The following FER1L6 variants were observed in gnomAD, a reference collection of about 807,000 sequenced individuals.
FER1L6 encodes fer-1 like family member 6.
A neutral mutation model predicts 219.2 loss-of-function variants in FER1L6; 177 were observed. That is an observed-to-expected ratio of 0.81 (90% CI 0.71 to 0.91). FER1L6 has a LOEUF of 0.91. FER1L6 is among the 40% of genes least tolerant of loss of function. FER1L6 has a pLI of 0.00. For synonymous variants in FER1L6, 768 were observed against 824.3 expected, an observed-to-expected ratio of 0.93 and a Z score of 1.17; for missense variants, 2,153 against 2,259.9, an observed-to-expected ratio of 0.95 and a Z score of 0.96.
At chr8:123,878,177 A>G (rs1817042131) in intron 1 of FER1L6, among the ~76,000 whole-genome samples, 1 of 152,164 alleles carries the variant, frequency 6.6e-6, no homozygotes, top group Non-Finnish European at 1.5e-5. Context: ...GCCTCCCAGA[A>G]CAGACGCAGG....
chr8:123,919,214 C>T (rs2129818676), intron 1 of FER1L6, among the ~76,000 whole-genome samples: 1 of 152,314 alleles, frequency 6.6e-6, no homozygotes, highest in South Asian at 2.1e-4. Context: ...CTTGCTAGAG[C>T]ATAAAGCAGA....
chr8:124,112,154 C>T (rs1438243867), intron 39 of FER1L6, among the ~76,000 whole-genome samples: 2 of 152,178 alleles, frequency 1.3e-5, no homozygotes, highest in Non-Finnish European at 2.9e-5. Flanking sequence ...CCTAGACATT[C>T]TCTAATTCCA....
At chr8:124,028,995 G>T (rs915164059) in intron 18 of FER1L6, among the ~76,000 whole-genome samples, 2 of 152,050 alleles carry the variant, frequency 1.3e-5, no homozygotes, top group East Asian at 3.9e-4. Context: ...TGTTCTCATT[G>T]TTCAACTCCC....
rs1418290388 is a variant in FER1L6, at chr8:124,060,345, C to G, written c.2985+55C>G. 21 of 1,548,112 alleles carry G rather than the reference C, an allele frequency of 1.4e-5. 1 individual carries two copies. The South Asian group carries it at 2.2e-4, about 16-fold the overall frequency. ...CTTTGGCACTCAAGGGCAGTGGCCC[C>G]ACCTGAATTGTAGGAGAGGTGATAT... is the stretch of plus-strand genomic sequence containing the variant. On this transcript the variant is annotated intron_variant, in intron 23 of 40. Transcript: ENST00000522917.
chr8:124,069,246 A>G, intron 28 of FER1L6, 114 bp from the exon 29 acceptor site: 2 of 801,392 alleles, frequency 2.5e-6, no homozygotes, highest in Non-Finnish European at 4.1e-6. Context: ...ACAAGTTACT[A>G]TTTCTGAAGG....
At chr8:124,096,244 T>C (rs1157975797) in intron 35 of FER1L6, among the ~76,000 whole-genome samples, 2 of 152,248 alleles carry the variant, frequency 1.3e-5, no homozygotes, top group African/African-American at 2.4e-5. Context: ...GGCTTTTTGA[T>C]TAAGGATGAA....
At chr8:123,969,959 C>G in intron 5 of FER1L6, 76 bp from the exon 6 acceptor site, 6 of 1,148,148 alleles carry the variant, frequency 5.2e-6, no homozygotes, top group Non-Finnish European at 7.9e-6. Flanking sequence ...TGACAAAGAT[C>G]TAAATCCACT....
intron 1 of FER1L6, among the ~76,000 whole-genome samples, chr8:123,910,032 G>A (rs1813024700): frequency 2.6e-5 from 4 of 152,320 alleles, no homozygotes; most frequent in African/African-American, 7.2e-5. Context: ...TTACTTTGTT[G>A]TTGTTAGCAG....
Position 124,023,447 on chromosome 8 carries a change from C to T in FER1L6, c.2137C>T (p.Gln713Ter). ...EKIRFLVDEP[Q>*]HTIPDVFIWM... ...CCAACTCCCTCTATTCCCACAGCCC[C>T]AGCACACTATCCCTGACGTTTTCAT... The change falls in exon 18 of 41, where the codon CAG becomes TAG. Residue 713 changes from glutamine to a stop codon, truncating the protein, a stop_gained. Transcript: ENST00000522917. LOFTEE classifies it high-confidence loss of function. 2 of 1,613,930 alleles carry T rather than the reference C, an allele frequency of 1.2e-6. No individual in the cohort carries two copies. Among genetic ancestry groups the T allele is most frequent in the South Asian group, 1.1e-5 (1 of 91,034 alleles).
intron 6 of FER1L6, among the ~76,000 whole-genome samples, chr8:123,972,352 A>C (rs988122661): frequency 6.6e-6 from 1 of 152,218 alleles, no homozygotes; most frequent in Non-Finnish European, 1.5e-5. Context: ...AATTCACTGA[A>C]TGTTTATTGA....
At chr8:123,978,639 TCA>T (rs144094948) in intron 10 of FER1L6, among the ~76,000 whole-genome samples, 2,563 of 152,282 alleles carry the variant, frequency 0.017, 64 homozygotes, top group East Asian at 0.048. Context: ...CTACATATAA[TCA>T]CACATACATA....
intron 12 of FER1L6, among the ~76,000 whole-genome samples, chr8:123,998,061 CT>C (rs1817216941): frequency 6.6e-6 from 1 of 152,068 alleles, no homozygotes; most frequent in Non-Finnish European, 1.5e-5. Context: ...GGTCTTGATG[CT>C]TGTGGATATT....
intron 36 of FER1L6, among the ~76,000 whole-genome samples, 162 bp downstream of exon 36, chr8:124,097,521 G>A (rs1241412972): frequency 6.6e-6 from 1 of 152,058 alleles, no homozygotes; most frequent in Admixed American, 6.5e-5. Flanking sequence ...CTTAAGGGAG[G>A]GGCTTCTGAG....
intron 29 of FER1L6, 105 bp from the exon 30 acceptor site, chr8:124,070,362 A>C: frequency 7.9e-7 from 1 of 1,271,744 alleles, no homozygotes; most frequent in Non-Finnish European, 1.1e-6. Flanking sequence ...AGATTTTCCC[A>C]AGGGGCATAT....
intron 1 of FER1L6, among the ~76,000 whole-genome samples, chr8:123,893,540 C>A (rs1812687705): frequency 6.6e-6 from 1 of 152,126 alleles, no homozygotes; most frequent in Non-Finnish European, 1.5e-5. Flanking sequence ...AGTCATATTT[C>A]TTTGTCTCTG....
intron 1 of FER1L6, among the ~76,000 whole-genome samples, chr8:123,917,203 T>C (rs1183551395): frequency 6.6e-6 from 1 of 152,224 alleles, no homozygotes; most frequent in Non-Finnish European, 1.5e-5. Flanking sequence ...ATCCATCTGA[T>C]AAATAACTGT....
At chr8:123,945,075 T>C (rs1814428570) in intron 1 of FER1L6, among the ~76,000 whole-genome samples, 1 of 152,212 alleles carries the variant, frequency 6.6e-6, no homozygotes, top group Non-Finnish European at 1.5e-5. Context: ...GTTGGTGAGT[T>C]TATCATCTTC....
intron 13 of FER1L6, among the ~76,000 whole-genome samples, chr8:124,009,087 A>G (rs1033082421): frequency 3.9e-5 from 6 of 151,988 alleles, no homozygotes; most frequent in African/African-American, 1.5e-4. Context: ...TGCTGTTGGG[A>G]ATGTAAACTG....
Position 123,963,869 on chromosome 8 carries a change from C to G in FER1L6, c.197+471C>G, listed in dbSNP as rs539311371. Among the ~76,000 whole-genome samples the G allele has an allele frequency of 3.9e-5, 6 of 152,348 alleles. No homozygotes were observed. In the South Asian group the frequency reaches 1.0e-3, roughly 26 times the overall value. On this transcript the variant is annotated intron_variant, in intron 3 of 40. Coordinates refer to ENST00000522917, the MANE Select transcript of FER1L6 (RefSeq NM_001039112.2). Reference sequence around the variant, plus strand: ...TAACAAATAGCCCCCAGATCTGTGGCTTAATATAATAAGCATTTATTATTG... The same window carrying G: ...TAACAAATAGCCCCCAGATCTGTGGGTTAATATAATAAGCATTTATTATTG...
Sources: gnomAD v4.1 joint callset for allele counts (sites outside exome capture counted in the v4.1 genomes callset) on GRCh38, gnomAD v4.1.1 for gene constraint, MANE v1.5 for transcripts, NCBI Gene and HGNC (gene_info 2026-07-23, HGNC 2026-07-21) for gene names.